The following LINGO2 variants were observed in gnomAD, a reference collection of about 807,000 sequenced individuals.
The protein encoded by LINGO2 is leucine-rich repeat and immunoglobulin-like domain-containing nogo receptor-interacting protein 2.
Under a neutral mutation model 30.6 loss-of-function variants are expected in LINGO2, and 14 were observed. The observed-to-expected ratio is 0.46, with a 90% CI of 0.30 to 0.72. The LOEUF is 0.72. LINGO2 is among the 30% of genes least tolerant of loss of function. The pLI, the probability that LINGO2 is intolerant of heterozygous loss-of-function variation, is 0.07. For synonymous variants in LINGO2, 317 were observed against 288.5 expected (o/e 1.10, Z -1.00); for missense variants, 729 against 751.7 (o/e 0.97, Z 0.35).
At chr9:29,063,274 G>C in the LINGO2 span, among the ~76,000 whole-genome samples, 1 of 152,112 alleles carries the variant, frequency 6.6e-6, no homozygotes, top group African/African-American at 2.4e-5. Context: ...AGAAACAACA[G>C]AGCACAGATG....
the LINGO2 span, among the ~76,000 whole-genome samples, chr9:29,208,630 A>G: frequency 6.6e-6 from 1 of 152,104 alleles, no homozygotes; most frequent in Non-Finnish European, 1.5e-5. Flanking sequence ...CAAGCGCTAC[A>G]TTTACTTGGC....
At chr9:28,087,329 CAA>C (rs1219339754) in intron 4 of LINGO2, among the ~76,000 whole-genome samples, 2 of 152,114 alleles carry the variant, frequency 1.3e-5, no homozygotes, top group East Asian at 1.9e-4. Context: ...ATTTTTGTAA[CAA>C]GAGATAAACT....
chr9:27,948,976 A>T (rs111983787), exon 6 of LINGO2: 3 of 1,614,024 alleles, frequency 1.9e-6, no homozygotes, highest in Non-Finnish European at 2.5e-6. Flanking sequence ...CCTCGGCTCC[A>T]CACAAAAAGG....
chr9:28,442,682 T>A (rs1241357983), intron 2 of LINGO2, among the ~76,000 whole-genome samples: 4 of 152,168 alleles, frequency 2.6e-5, no homozygotes, highest in African/African-American at 7.2e-5. Flanking sequence ...GAGTTTACAT[T>A]CAGGAGAGCC....
intron 1 of LINGO2, among the ~76,000 whole-genome samples, chr9:28,653,292 A>G (rs1003022994): frequency 6.6e-6 from 1 of 152,248 alleles, no homozygotes; most frequent in Non-Finnish European, 1.5e-5. Flanking sequence ...TACCACCTGG[A>G]GCTAGGGGCC....
chr9:28,218,389 G>A lies in LINGO2; in HGVS notation c.-87+76819C>T, dbSNP rs181529556. Among the ~76,000 whole-genome samples the A allele has an allele frequency of 5.9e-5, 9 of 151,698 alleles. No homozygotes were observed. The East Asian group carries it at 1.6e-3, about 26-fold the overall frequency. ...AGTGGATCATGCCCTCCAGTGACTT[G>A]ATATAACACACTATCTAGTAATCTT... On this transcript the variant is annotated intron_variant, in intron 4 of 5. Coordinates refer to ENST00000379992, the Ensembl canonical transcript of LINGO2.
intron 2 of LINGO2, among the ~76,000 whole-genome samples, chr9:28,430,105 CGCGCGTGTGT>C (rs36213125): frequency 0.12 from 3,700 of 30,336 alleles, 138 homozygotes; most frequent in African/African-American, 0.21. Flanking sequence ...CACGCGCGCG[CGCGCGTGTGT>C]GTGTGTGTGT....
At chr9:28,963,805 G>A in the LINGO2 span, among the ~76,000 whole-genome samples, 5 of 151,802 alleles carry the variant, frequency 3.3e-5, no homozygotes, top group African/African-American at 1.2e-4. Flanking sequence ...GATGAATAGA[G>A]ATTGGTTAAT....
chr9:29,116,705 A>G, the LINGO2 span, among the ~76,000 whole-genome samples: 1 of 152,116 alleles, frequency 6.6e-6, no homozygotes, highest in Non-Finnish European at 1.5e-5. Flanking sequence ...AAAAACTTCA[A>G]TGACAGTCTT....
chr9:28,734,250 G>A, the LINGO2 span, among the ~76,000 whole-genome samples: 43,105 of 152,016 alleles, frequency 0.28, 6,623 homozygotes, highest in Admixed American at 0.4. Flanking sequence ...AGTGACTAAC[G>A]AGTGATTAGT....
At chr9:28,934,671 CA>C in the LINGO2 span, among the ~76,000 whole-genome samples, 1 of 150,372 alleles carries the variant, frequency 6.7e-6, no homozygotes, top group Non-Finnish European at 1.5e-5. Context: ...CTCTTTGCAG[CA>C]AAAAAAGGGA....
the LINGO2 span, among the ~76,000 whole-genome samples, chr9:29,095,841 T>C: frequency 7.2e-6 from 1 of 138,748 alleles, no homozygotes; most frequent in South Asian, 2.3e-4. Context: ...AAACCTTTCT[T>C]TGGGAGAGTA....
the LINGO2 span, among the ~76,000 whole-genome samples, chr9:28,710,713 A>T: frequency 6.6e-6 from 1 of 152,086 alleles, no homozygotes; most frequent in East Asian, 1.9e-4. Context: ...AGCTTCCAGG[A>T]ATCACCCCAT....
chr9:29,099,126 G>A, the LINGO2 span, among the ~76,000 whole-genome samples: 1 of 152,126 alleles, frequency 6.6e-6, no homozygotes, highest in African/African-American at 2.4e-5. Flanking sequence ...TACATACACT[G>A]GGGAAAAGAC....
chr9:29,207,180 T>G, the LINGO2 span, among the ~76,000 whole-genome samples: 1 of 151,840 alleles, frequency 6.6e-6, no homozygotes, highest in South Asian at 2.1e-4. Context: ...TCATATGATA[T>G]TGTACATATA....
intron 4 of LINGO2, among the ~76,000 whole-genome samples, chr9:28,134,331 C>T (rs1048441498): frequency 2.2e-4 from 33 of 152,258 alleles, no homozygotes; most frequent in Middle Eastern, 3.4e-3. Flanking sequence ...TTATTGTTTA[C>T]CTAAGAACAA....
At chr9:28,592,350 A>G (rs1824956371) in intron 1 of LINGO2, among the ~76,000 whole-genome samples, 1 of 152,086 alleles carries the variant, frequency 6.6e-6, no homozygotes, top group South Asian at 2.1e-4. Flanking sequence ...TAAATAACTG[A>G]TATTTGTAAA....
chr9:28,054,150 G>T (rs1056858326), intron 4 of LINGO2, among the ~76,000 whole-genome samples: 2 of 152,000 alleles, frequency 1.3e-5, no homozygotes, highest in Non-Finnish European at 2.9e-5. Context: ...GAAGTTATTG[G>T]GACCTTAGCC....
chr9:28,489,060 A>T (rs1263903649), intron 1 of LINGO2, among the ~76,000 whole-genome samples: 1 of 152,168 alleles, frequency 6.6e-6, no homozygotes, highest in Admixed American at 6.5e-5. Context: ...GGAATCAAAA[A>T]AGCTTATATT....
Sources: allele counts gnomAD v4.1 joint callset (sites outside exome capture counted in the v4.1 genomes callset), GRCh38; gene constraint gnomAD v4.1.1; transcripts MANE v1.5; gene names NCBI Gene and HGNC (gene_info 2026-07-23, HGNC 2026-07-21).